ZNF250: variants seen among roughly 807,000 people sequenced by gnomAD.
ZNF250 encodes zinc finger protein 250.
In ZNF250, 13 loss-of-function variants were observed where a neutral mutation model predicts 37.1. That is an observed-to-expected ratio of 0.35 (90% confidence interval 0.23 to 0.56). ZNF250 has a LOEUF of 0.56. Among genes scored for constraint, ZNF250 ranks in the 20% least tolerant of loss-of-function variants. ZNF250 has a pLI of 0.87. For missense variants in ZNF250, 474 were observed against 697.9 expected, an observed-to-expected ratio of 0.68 and a Z score of 3.61; for synonymous variants, 251 against 265.6, an observed-to-expected ratio of 0.94 and a Z score of 0.54.
At position 144,882,593 on chromosome 8, in the gene ZNF250, A is replaced by G. The variant is rs1387681445; in HGVS notation, c.590T>C (p.Val197Ala). Residue 197 changes from valine (V) to alanine (A), a missense_variant, in exon 6 of 6, where the codon GTT (valine) becomes GCT (alanine). Physicochemically the swap from Val to Ala is moderately conservative, Grantham distance 64. Transcript: ENST00000417550. This position sits in a 1 kb window ranked among gnomAD's most constrained non-coding sequence, Gnocchi z 5.5. ...CCGGCCAAAGCACTTCCCACACTCA[A>G]CACACATGTAGGGCCTCTCTCCACT... ...VPSGERPYMC[V>A]ECGKCFGRSS... is the part of the protein sequence containing the mutation. 2 of 1,613,964 alleles carry G rather than the reference A, an allele frequency of 1.2e-6. No homozygotes were observed. Among genetic ancestry groups the G allele is most frequent in the East Asian group, 2.2e-5 (1 of 44,888 alleles).
intron 5 of ZNF250, among the ~76,000 whole-genome samples, chr8:144,886,091 T>C (rs1396442666): frequency 6.8e-6 from 1 of 145,992 alleles, no homozygotes; most frequent in Non-Finnish European, 1.5e-5. Context: ...AGTGAGAGCC[T>C]GTCTAAAAAA....
In ZNF250 at chr8:144,882,700, A is replaced by G; in HGVS notation, c.483T>C (p.Cys161=). 3 of 1,614,016 alleles carry G rather than the reference A, an allele frequency of 1.9e-6. No homozygotes were observed. Among genetic ancestry groups the G allele is most frequent in the Non-Finnish European group, 2.5e-6 (3 of 1,179,882 alleles). ...GGTGGTCAACAGAGTTTGGACTCAGACAGAAGCTTTGCTTTGTTTCATTAT... is the reference window on the plus strand; with the variant it reads ...GGTGGTCAACAGAGTTTGGACTCAGGCAGAAGCTTTGCTTTGTTTCATTAT... The part of the protein sequence containing the change: ...QENNETKQSF[C]LSPNSVDHRE... Residue 161 remains cysteine, a synonymous_variant, in exon 6 of 6, where the codon TGT becomes TGC. Coordinates refer to ENST00000417550, the MANE Select transcript of ZNF250 (RefSeq NM_001109689.4). The surrounding 1 kb of genome is among the most constrained non-coding windows in gnomAD (Gnocchi z 5.5).
rs527400156 is a variant in ZNF250 at position 144,886,121 on chromosome 8, A to G, written c.346+719T>C. 2.0e-4 allele frequency among the ~76,000 whole-genome samples: 31 copies of G among 151,454 alleles called. No homozygotes were observed. In the South Asian group the frequency reaches 6.5e-3, roughly 32 times the overall value. On this transcript the variant is annotated intron_variant, in intron 5 of 5. Transcript: ENST00000417550. The stretch of plus-strand genomic sequence containing the variant: ...AAAAAAAAAAAAAAAAAGTTTCCTG[A>G]ATGGGCGGCTTCTGACCTGATGCCA...
rs771544173 is a variant in ZNF250 at position 144,882,005 on chromosome 8, C to A, written c.1178G>T (p.Ser393Ile). 64 of 1,613,816 alleles carry A rather than the reference C, an allele frequency of 4.0e-5. No individual in the cohort carries two copies. The East Asian group carries it at 9.6e-4, about 24-fold the overall frequency. The change falls in exon 6 of 6, where the codon AGT becomes ATT. Residue 393 changes from serine to isoleucine, a missense_variant. Ser to Ile is a moderately radical substitution (Grantham distance 142). This residue lies in a region of ZNF250 where 282 missense variants were observed against 470.4 expected (regional missense o/e 0.60). Transcript: ENST00000417550. The surrounding 1 kb of genome is among the most constrained non-coding windows in gnomAD (Gnocchi z 5.5). ...VHTGEKPYEC[S>I]ECGKTFSHRS... ...GTGGCTGAAGGTCTTCCCACACTCA[C>A]TGCACTCATAGGGCTTCTCCCCGGT...
rs759911038 is a variant in ZNF250 at position 144,881,516 on chromosome 8, C to T, written c.1667G>A (p.Ter556=). The T allele has an allele frequency of 2.8e-5, 45 of 1,580,844 alleles. No homozygotes were observed. In the South Asian group the frequency reaches 4.7e-4, roughly 17 times the overall value. The change falls in exon 6 of 6, where the codon TGA becomes TAA. Residue 556 remains the stop codon, a stop_retained_variant. Transcript: ENST00000417550. The part of the protein sequence containing the change: ...IQHQKVHRKL[*] ...ATGGATTCTTGTGTCAGCCATGGGT[C>T]ACAACTTTCTGTGCACTTTCTGGTG... is the stretch of plus-strand genomic sequence containing the variant.
rs187035804 is a variant in ZNF250 at position 144,890,636 on chromosome 8, C to G, written c.-54-233G>C. 6.6e-6 allele frequency among the ~76,000 whole-genome samples: 1 copy of G among 152,246 alleles called. No individual in the cohort carries two copies. Among genetic ancestry groups the G allele is most frequent in the East Asian group, 1.9e-4 (1 of 5,170 alleles). On this transcript the variant is annotated intron_variant, in intron 1 of 5. Coordinates refer to ENST00000417550, the MANE Select transcript of ZNF250 (RefSeq NM_001109689.4). This position sits in a 1 kb window ranked among gnomAD's most constrained non-coding sequence, Gnocchi z 5.1. ...ACACACAGTTCCTGGGCCTGCCCAGCTAGTACTGGGCTCTCTGAACACCAG... is the reference window on the plus strand; with the variant it reads ...ACACACAGTTCCTGGGCCTGCCCAGGTAGTACTGGGCTCTCTGAACACCAG...
At chr8:144,888,704 T>C (rs28561922) in intron 4 of ZNF250, among the ~76,000 whole-genome samples, 55,478 of 151,828 alleles carry the variant, frequency 0.37, 10,283 homozygotes, top group South Asian at 0.45. Context: ...CTGCAAACAA[T>C]GCTTTTTTCT....
chr8:144,880,658 G>C lies in ZNF250; in HGVS notation c.*857C>G. The C allele has an allele frequency of 2.8e-6, 1 of 358,164 alleles. No homozygotes were observed. The highest frequency in any genetic ancestry group is 5.6e-6 in the Non-Finnish European group (1 of 178,166). The allele number at this position is 358,164 out of a possible 1,614,324, so 22.2% of individuals were successfully genotyped here. A position where few individuals can be genotyped will look rare whatever the true frequency, so the allele number is the denominator to read the frequency against. ...GTGGGAGGATCACTTGAGGCCAGGA[G>C]TTCGAGACCAGCCTGGCCAACACGG... On this transcript the variant is annotated 3_prime_UTR_variant, in exon 6 of 6. Coordinates refer to ENST00000417550, the MANE Select transcript of ZNF250 (RefSeq NM_001109689.4).
chr8:144,878,539 T>TA lies in ZNF250; in HGVS notation c.*2975dup, dbSNP rs1272739124. On this transcript the variant is annotated 3_prime_UTR_variant, in exon 6 of 6. Coordinates refer to ENST00000417550, the MANE Select transcript of ZNF250 (RefSeq NM_001109689.4). ...GGGACACCATCTTGGTCCTGAATAA[T>TA]ACCTCAGTAACCTCAGCTCCTCCCT... 6.6e-6 allele frequency: 1 copy of TA among 152,182 alleles called. No homozygotes were observed. Among genetic ancestry groups the TA allele is most frequent in the Non-Finnish European group, 1.5e-5 (1 of 68,030 alleles). 9.4% of individuals were successfully genotyped at this position (152,182 alleles called of 1,614,324 possible).
At chr8:144,898,065 G>C (rs1832837399) in intron 1 of ZNF250, among the ~76,000 whole-genome samples, 1 of 152,128 alleles carries the variant, frequency 6.6e-6, no homozygotes, top group Non-Finnish European at 1.5e-5. Flanking sequence ...CCAGATTTTG[G>C]GGGGGCCTGA....
At chr8:144,895,199 G>A (rs1320008075) in intron 1 of ZNF250, 2 of 152,240 alleles carry the variant, frequency 1.3e-5, no homozygotes, top group Non-Finnish European at 2.9e-5. Flanking sequence ...TGAGGCAAAT[G>A]CTACGTTGGT....
Position 144,890,063 on chromosome 8 carries a change from G to C in ZNF250, c.43-4C>G. The C allele has an allele frequency of 2.5e-6, 4 of 1,611,738 alleles. No individual in the cohort carries two copies. Among genetic ancestry groups the C allele is most frequent in the Non-Finnish European group, 3.4e-6 (4 of 1,178,888 alleles). ...CATCCTCGAAGGTCAGCTTGGCCTG[G>C]AACGACAGGGGCTGCTGCAGGTAAA... On this transcript the variant is annotated splice_polypyrimidine_tract_variant and splice_region_variant and intron_variant, in intron 2 of 5. Coordinates refer to ENST00000417550, the MANE Select transcript of ZNF250 (RefSeq NM_001109689.4). The surrounding 1 kb of genome is among the most constrained non-coding windows in gnomAD (Gnocchi z 5.1).
At position 144,877,713 on chromosome 8, in the gene ZNF250, G is replaced by C. The variant is rs532970195; in HGVS notation, c.*3802C>G. ...CATTCTCACCAGTGGATCAATGGCA[G>C]CCTGACATAGCAAGAACAGGCAGAA... On this transcript the variant is annotated 3_prime_UTR_variant, in exon 6 of 6. Coordinates refer to ENST00000417550, the MANE Select transcript of ZNF250 (RefSeq NM_001109689.4). 6.6e-6 allele frequency: 1 copy of C among 152,296 alleles called. No homozygotes were observed. The highest frequency in any genetic ancestry group is 1.9e-4 in the East Asian group (1 of 5,170). 9.4% of individuals were successfully genotyped at this position (152,296 alleles called of 1,614,324 possible).
chr8:144,891,142 C>T lies in ZNF250; in HGVS notation c.-54-739G>A, dbSNP rs1330755855. ...CCAAACAGCTGGGAAAAAGGGGGAG[C>T]GGGGCAAGAGCTTTCCTGACACATT... On this transcript the variant is annotated intron_variant, in intron 1 of 5. Transcript: ENST00000417550. This position sits in a 1 kb window ranked among gnomAD's most constrained non-coding sequence, Gnocchi z 4.0. Among the ~76,000 whole-genome samples, 1 of 152,050 alleles carries T rather than the reference C, an allele frequency of 6.6e-6. No individual in the cohort carries two copies. The highest frequency in any genetic ancestry group is 2.4e-5 in the African/African-American group (1 of 41,398).
At position 144,881,805 on chromosome 8, in the gene ZNF250, A is replaced by G; in HGVS notation, c.1378T>C (p.Ser460Pro). 6.2e-6 allele frequency: 10 copies of G among 1,614,020 alleles called. No homozygotes were observed. The highest frequency in any genetic ancestry group is 8.5e-6 in the Non-Finnish European group (10 of 1,180,006). Reference sequence around the variant, plus strand: ...TGGATTCTCTCATGCTGGATCAGAGACCGGCGTGCACTGAAGGCGTGCCCA... The same window carrying G: ...TGGATTCTCTCATGCTGGATCAGAGGCCGGCGTGCACTGAAGGCGTGCCCA... ...ECGHAFSARR[S>P]LIQHERIHTG... Residue 460 changes from serine (S) to proline (P), a missense_variant, in exon 6 of 6, where the codon TCT (serine) becomes CCT (proline). By Grantham distance (74) the Ser-to-Pro change is moderately conservative (BLOSUM62 -1). This residue lies in a region of ZNF250 where 282 missense variants were observed against 470.4 expected (regional missense o/e 0.60). Transcript: ENST00000417550.
intron 1 of ZNF250, among the ~76,000 whole-genome samples, chr8:144,900,083 G>A (rs1832999133): frequency 6.6e-6 from 1 of 152,242 alleles, no homozygotes; most frequent in Admixed American, 6.5e-5. Context: ...ATATGAGCTG[G>A]CAAATCACAA....
intron 4 of ZNF250, among the ~76,000 whole-genome samples, chr8:144,887,672 C>T (rs1159145741): frequency 1.3e-5 from 2 of 152,198 alleles, no homozygotes; most frequent in Non-Finnish European, 2.9e-5. Flanking sequence ...CATAGCTGGA[C>T]ACAAGGGAGC....
chr8:144,889,831 G>C, intron 3 of ZNF250, 102 bp downstream of exon 3: 1 of 1,483,344 alleles, frequency 6.7e-7, no homozygotes, highest in Middle Eastern at 1.8e-4. Context: ...GGTGATGAGA[G>C]CAAACCTCCA....
rs1400638928 is a variant in ZNF250, at chr8:144,891,893, C to T, written c.-54-1490G>A. On this transcript the variant is annotated intron_variant, in intron 1 of 5. Coordinates refer to ENST00000417550, the MANE Select transcript of ZNF250 (RefSeq NM_001109689.4). The surrounding 1 kb of genome is among the most constrained non-coding windows in gnomAD (Gnocchi z 4.0). ...AACAAAAATCAGCTGGGTGTGGTGG[C>T]GGGTGCCTGTAATCCCAACTACTCA... Among the ~76,000 whole-genome samples the T allele has an allele frequency of 2.6e-5, 4 of 151,860 alleles. No homozygotes were observed. The highest frequency in any genetic ancestry group is 7.3e-5 in the African/African-American group (3 of 41,326).
Sources: gnomAD v4.1 joint callset for allele counts (sites outside exome capture counted in the v4.1 genomes callset) on GRCh38, gnomAD v4.1.1 for gene constraint, gnomAD v4.1.1 regional missense constraint, Gnocchi (gnomAD v3.1) non-coding constraint, MANE v1.5 for transcripts, NCBI Gene and HGNC (gene_info 2026-07-23, HGNC 2026-07-21) for gene names.